The following USH2A variants were observed in gnomAD, a reference collection of about 807,000 sequenced individuals.
USH2A encodes the protein usherin.
USH2A carries 443 observed loss-of-function variants against 538.9 expected under a neutral mutation model. The ratio of observed to expected loss-of-function variants is 0.82; its 90% CI spans 0.76 to 0.89. USH2A has a LOEUF of 0.89. Among genes scored for constraint, USH2A ranks in the 40% least tolerant of loss-of-function variants. The pLI is 0.00. For missense variants in USH2A, 6,633 were observed against 6,324.8 expected (o/e 1.05, Z -1.65); for synonymous variants, 2,413 against 2,273.5 (o/e 1.06, Z -1.75).
At chr1:215,944,281 A>T (rs1174363197) in intron 37 of USH2A, among the ~76,000 whole-genome samples, 2 of 152,164 alleles carry the variant, frequency 1.3e-5, no homozygotes, top group East Asian at 3.8e-4. Context: ...ATTGCCTGCA[A>T]AGTCTAAAGT....
chr1:216,021,544 C>T (rs926185623), intron 32 of USH2A, among the ~76,000 whole-genome samples: 8 of 152,078 alleles, frequency 5.3e-5, no homozygotes, highest in Admixed American at 1.3e-4. Context: ...AGCGTGAGAA[C>T]AGACTAATAC....
chr1:215,775,676 T>G (rs1286517756), intron 55 of USH2A, among the ~76,000 whole-genome samples: 1 of 152,218 alleles, frequency 6.6e-6, no homozygotes, highest in Middle Eastern at 3.2e-3. Context: ...TACAAAGAAT[T>G]TCTACATTTT....
chr1:215,794,101 T>G (rs1413152531), intron 50 of USH2A, among the ~76,000 whole-genome samples: 1 of 152,180 alleles, frequency 6.6e-6, no homozygotes, highest in East Asian at 1.9e-4. Flanking sequence ...CCGAGATACC[T>G]GTATAACACT....
intron 11 of USH2A, among the ~76,000 whole-genome samples, chr1:216,253,029 T>G (rs2036193319): frequency 6.6e-6 from 1 of 152,156 alleles, no homozygotes; most frequent in Non-Finnish European, 1.5e-5. Context: ...GATGTTTCCG[T>G]CAAAGAATAA....
chr1:215,889,755 T>C (rs748876745), intron 40 of USH2A, among the ~76,000 whole-genome samples: 14 of 152,126 alleles, frequency 9.2e-5, no homozygotes, highest in South Asian at 2.1e-4. Flanking sequence ...GGAGGCTCCA[T>C]GAATACTGAA....
chr1:215,972,141 T>C (rs1168082594), intron 35 of USH2A, among the ~76,000 whole-genome samples: 2 of 152,138 alleles, frequency 1.3e-5, no homozygotes, highest in African/African-American at 4.8e-5. Flanking sequence ...TCCAACTCTC[T>C]TGCTTGTTGG....
At chr1:216,105,878 T>G (rs2032718388) in intron 21 of USH2A, among the ~76,000 whole-genome samples, 1 of 151,866 alleles carries the variant, frequency 6.6e-6, no homozygotes, top group African/African-American at 2.4e-5. Context: ...AATCCAACTT[T>G]GTTTAAATTG....
chr1:215,925,403 A>T (rs1226195560), intron 38 of USH2A, among the ~76,000 whole-genome samples: 1 of 152,170 alleles, frequency 6.6e-6, no homozygotes, highest in African/African-American at 2.4e-5. Flanking sequence ...CCAGGGAAAA[A>T]ATAGCAGCAC....
rs141946821 is a variant in USH2A at position 215,875,287 on chromosome 1, CT to C, written c.8681+2470del. Among the ~76,000 whole-genome samples, 1,442 of 146,438 alleles carry C rather than the reference CT, an allele frequency of 9.8e-3. 21 individuals are homozygous for C. The highest frequency in any genetic ancestry group is 0.033 in the African/African-American group (1,315 of 40,084). On this transcript the variant is annotated intron_variant, in intron 43 of 71. Transcript: ENST00000307340. Reference sequence around the variant, plus strand: ...TTACACTGAATGTTAAGAAGAAATGCTTTTTTTTTTTCTACAAGCTTAATGT... The same window carrying C: ...TTACACTGAATGTTAAGAAGAAATGCTTTTTTTTTTCTACAAGCTTAATGT...
intron 61 of USH2A, among the ~76,000 whole-genome samples, chr1:215,690,527 G>C (rs1658568410): frequency 1.2e-4 from 18 of 152,122 alleles, no homozygotes; most frequent in Admixed American, 1.2e-3. Flanking sequence ...CTTGAGTGTA[G>C]CCTGGGCAAC....
intron 12 of USH2A, among the ~76,000 whole-genome samples, chr1:216,248,285 A>G (rs2036091559): frequency 6.6e-6 from 1 of 152,106 alleles, no homozygotes; most frequent in Non-Finnish European, 1.5e-5. Flanking sequence ...AGGTTATTCT[A>G]AAAGATAAAA....
At chr1:216,295,466 G>A (rs1328243617) in intron 9 of USH2A, among the ~76,000 whole-genome samples, 1 of 151,646 alleles carries the variant, frequency 6.6e-6, no homozygotes, top group Non-Finnish European at 1.5e-5. Context: ...ATTTTAATAG[G>A]TAATTATATG....
intron 3 of USH2A, among the ~76,000 whole-genome samples, chr1:216,377,807 A>AAAAGAAAGAAAGAGAAGGAAAG (rs2038853788): frequency 7.1e-4 from 35 of 49,524 alleles, no homozygotes; most frequent in African/African-American, 1.7e-3. Flanking sequence ...GAAAGAAATA[A>AAAAGAAAGAAAGAGAAGGAAAG]AAAGAAAGAA....
intron 20 of USH2A, among the ~76,000 whole-genome samples, chr1:216,189,014 C>T (rs527586795): frequency 6.6e-6 from 1 of 151,868 alleles, no homozygotes; most frequent in Non-Finnish European, 1.5e-5. Context: ...ATTCAGTAAA[C>T]CTTTAATAAT....
At chr1:215,660,937 C>T (rs1657418801) in intron 64 of USH2A, among the ~76,000 whole-genome samples, 1 of 152,124 alleles carries the variant, frequency 6.6e-6, no homozygotes, top group South Asian at 2.1e-4. Flanking sequence ...ATTTTTGTTT[C>T]CACCTGCAGA....
chr1:215,884,275 A>G (rs1664992334), intron 41 of USH2A, among the ~76,000 whole-genome samples: 1 of 152,256 alleles, frequency 6.6e-6, no homozygotes, highest in Admixed American at 6.5e-5. Context: ...GAAATAAAAC[A>G]AACAAAAAAC....
At chr1:216,035,178 T>C (rs1453613511) in intron 32 of USH2A, among the ~76,000 whole-genome samples, 1 of 152,134 alleles carries the variant, frequency 6.6e-6, no homozygotes, top group Middle Eastern at 3.2e-3. Context: ...GAGTTACACG[T>C]TGAATTGTGT....
Position 216,231,807 on chromosome 1 carries a change from T to C in USH2A, c.2993+146A>G, listed in dbSNP as rs111939369. 0.015 allele frequency: 13,196 copies of C among 901,566 alleles called. 1,223 individuals carry two copies. The African/African-American group carries it at 0.19, about 13-fold the overall frequency. 55.8% of individuals were successfully genotyped at this position (901,566 alleles called of 1,614,324 possible). On this transcript the variant is annotated intron_variant, in intron 14 of 71. Transcript: ENST00000307340. ...GGACCTCGTGATCCGCCTGCCTTGG[T>C]CTCTCAAAGTGCTGGGATTACAGGT...
Position 215,891,017 on chromosome 1 carries a change from G to A in USH2A, c.7595-1963C>T, listed in dbSNP as rs114656839. ...TTCCTCATATGTGAACTATCAAACT[G>A]TGAGCATCTTCAGGGAAAAGAAACA... On this transcript the variant is annotated intron_variant, in intron 40 of 71. Coordinates refer to ENST00000307340, the MANE Select transcript of USH2A (RefSeq NM_206933.4). Among the ~76,000 whole-genome samples, 1,362 of 152,238 alleles carry A rather than the reference G, an allele frequency of 8.9e-3. 15 individuals carry two copies. The highest frequency in any genetic ancestry group is 0.031 in the African/African-American group (1,289 of 41,530).
Sources: gnomAD v4.1 joint callset for allele counts (sites outside exome capture counted in the v4.1 genomes callset) on GRCh38, gnomAD v4.1.1 for gene constraint, MANE v1.5 for transcripts, NCBI Gene and HGNC (gene_info 2026-07-23, HGNC 2026-07-21) for gene names.